Variants in AGBL2 observed in about 807,000 individuals in gnomAD.
The protein encoded by AGBL2 is cytosolic carboxypeptidase 2.
In AGBL2, 87 loss-of-function variants were observed where a neutral mutation model predicts 103.0. The observed-to-expected ratio is 0.84, with a 90% confidence interval of 0.71 to 1.01. The LOEUF (loss-of-function observed/expected upper bound fraction) is 1.01. Among genes scored for constraint, AGBL2 ranks in the 50% least tolerant of loss-of-function variants. AGBL2 has a pLI of 0.00. For synonymous variants in AGBL2, 335 were observed against 356.7 expected (o/e 0.94, Z 0.69); for missense variants, 904 against 1,023.5 (o/e 0.88, Z 1.59).
chr11:47,665,963 C>T (rs550825028), intron 17 of AGBL2, among the ~76,000 whole-genome samples: 2 of 151,418 alleles, frequency 1.3e-5, no homozygotes, highest in African/African-American at 2.4e-5. Flanking sequence ...GAGCTGAGAT[C>T]GCGCCACTGA....
chr11:47,662,533 C>T (rs946130778), intron 18 of AGBL2, among the ~76,000 whole-genome samples: 2 of 151,570 alleles, frequency 1.3e-5, no homozygotes, highest in Non-Finnish European at 2.9e-5. Context: ...CACTCTGTCA[C>T]CCAGGCTGGA....
chr11:47,705,664 G>T, intron 5 of AGBL2, 30 bp from the exon 6 acceptor site: 13 of 525,954 alleles, frequency 2.5e-5, no homozygotes, highest in Admixed American at 3.3e-5. Context: ...AAAAGAAAAA[G>T]AAAAAGAAGA....
intron 8 of AGBL2, among the ~76,000 whole-genome samples, chr11:47,694,934 A>C (rs1008990146): frequency 1.3e-5 from 2 of 151,900 alleles, no homozygotes; most frequent in African/African-American, 2.4e-5. Flanking sequence ...GGATCACTTG[A>C]GGTCAGGAGT....
chr11:47,676,953 GCCTGCCCAACTCCCTACTCCTTTCTA>G (rs1423921711), intron 14 of AGBL2, among the ~76,000 whole-genome samples: 2 of 152,076 alleles, frequency 1.3e-5, no homozygotes, highest in Non-Finnish European at 2.9e-5. Context: ...TACACAAACT[GCCTGCCCAACTCCCTACTCCTTTCTA>G]ATGGCTAAAA....
At chr11:47,713,586 TTTTA>T (rs2097541772) in intron 3 of AGBL2, among the ~76,000 whole-genome samples, 1 of 150,436 alleles carries the variant, frequency 6.6e-6, no homozygotes, top group African/African-American at 2.4e-5. Flanking sequence ...TTTTTTAAAT[TTTTA>T]TTTATTTATT....
chr11:47,667,973 C>T (rs1244873183), intron 15 of AGBL2, among the ~76,000 whole-genome samples: 1 of 152,182 alleles, frequency 6.6e-6, no homozygotes, highest in Non-Finnish European at 1.5e-5. Context: ...CTTGGGGAGG[C>T]TGAAGCGGGT....
intron 9 of AGBL2, among the ~76,000 whole-genome samples, chr11:47,691,729 A>AAAAAAAAAAAAATAT: frequency 1.4e-3 from 7 of 4,854 alleles, no homozygotes; most frequent in African/African-American, 2.9e-3. Flanking sequence ...AAAAAAAAAA[A>AAAAAAAAAAAAATAT]ATATATATAT....
chr11:47,685,524 C>T (rs1344990855), intron 11 of AGBL2, among the ~76,000 whole-genome samples: 7 of 151,998 alleles, frequency 4.6e-5, no homozygotes, highest in East Asian at 3.9e-4. Flanking sequence ...CAAGTTTAAG[C>T]GATTCTCCTG....
intron 10 of AGBL2, among the ~76,000 whole-genome samples, chr11:47,688,447 G>A (rs769214444): frequency 1.6e-4 from 25 of 152,080 alleles, no homozygotes; most frequent in African/African-American, 5.3e-4. Context: ...CCTGACTTTC[G>A]AGGGCCAGTT....
rs554361185 is a variant in AGBL2 at position 47,703,647 on chromosome 11, G to A, written c.586+896C>T. Among the ~76,000 whole-genome samples, 628 of 152,158 alleles carry A rather than the reference G, an allele frequency of 4.1e-3. 3 individuals carry two copies. The highest frequency in any genetic ancestry group is 5.9e-3 in the Non-Finnish European group (401 of 67,990). On this transcript the variant is annotated intron_variant, in intron 7 of 18. Transcript: ENST00000525123. The stretch of plus-strand genomic sequence containing the variant: ...CTCTAATAAAAATAAAAAACTAGCC[G>A]GGTGTGGTGGCTCACATCTGTAATC...
intron 4 of AGBL2, chr11:47,710,148 C>G (rs539400116): frequency 1.4e-4 from 67 of 481,446 alleles, no homozygotes; most frequent in South Asian, 9.3e-4. Context: ...CTCAGCCTCC[C>G]AAAGTGCTGA....
intron 7 of AGBL2, 61 bp downstream of exon 7, chr11:47,704,482 C>CAAAA (rs571226870): frequency 2.9e-5 from 31 of 1,075,770 alleles, no homozygotes; most frequent in Middle Eastern, 2.8e-4. Context: ...GACTTCGTCT[C>CAAAA]AAAAAAAAAA....
chr11:47,705,970 T>C, intron 4 of AGBL2, 53 bp from the exon 5 acceptor site: 7 of 1,466,430 alleles, frequency 4.8e-6, no homozygotes, highest in East Asian at 2.3e-5. Flanking sequence ...TGTCTTCTTT[T>C]CTTCTGTCTG....
intron 14 of AGBL2, among the ~76,000 whole-genome samples, chr11:47,675,378 T>A (rs957272948): frequency 8.3e-6 from 1 of 120,008 alleles, no homozygotes. Context: ...CTGCTAAGTT[T>A]TTTTTTTTTT....
chr11:47,706,880 C>T (rs1371208796), intron 4 of AGBL2, among the ~76,000 whole-genome samples: 1 of 107,416 alleles, frequency 9.3e-6, no homozygotes, highest in African/African-American at 3.7e-5. Flanking sequence ...GAAACCCTGT[C>T]TCTACTATTC....
At chr11:47,703,319 A>G (rs1270886750) in intron 7 of AGBL2, among the ~76,000 whole-genome samples, 1 of 152,108 alleles carries the variant, frequency 6.6e-6, no homozygotes, top group Non-Finnish European at 1.5e-5. Context: ...GAAAAAAACC[A>G]CTGAAACAGG....
chr11:47,710,614 C>T, intron 3 of AGBL2, 103 bp from the exon 4 acceptor site: 1 of 1,376,884 alleles, frequency 7.3e-7, no homozygotes, highest in Non-Finnish European at 1.0e-6. Context: ...CACCCACCAC[C>T]ACAGCCCTTT....
At chr11:47,704,771 C>T (rs2153805193) in intron 6 of AGBL2, 43 bp from the exon 7 acceptor site, 1 of 1,542,042 alleles carries the variant, frequency 6.5e-7, no homozygotes, top group Non-Finnish European at 8.9e-7. Context: ...TCCTTTTCCT[C>T]CTTGGGAACT....
chr11:47,691,284 A>C (rs2097444374), intron 9 of AGBL2, among the ~76,000 whole-genome samples: 1 of 151,796 alleles, frequency 6.6e-6, no homozygotes, highest in African/African-American at 2.4e-5. Flanking sequence ...CAAACAAACA[A>C]ACAAAAACAA....
Sources: allele counts gnomAD v4.1 joint callset (sites outside exome capture counted in the v4.1 genomes callset), GRCh38; gene constraint gnomAD v4.1.1; transcripts MANE v1.5; gene names NCBI Gene and HGNC (gene_info 2026-07-23, HGNC 2026-07-21).